Variants in LRMDA observed in about 807,000 individuals in gnomAD.
LRMDA encodes leucine rich melanocyte differentiation associated.
Under a neutral mutation model 29.8 loss-of-function variants are expected in LRMDA, and 18 were observed. That is an observed-to-expected ratio of 0.60 (90% confidence interval 0.42 to 0.90). The LOEUF (loss-of-function observed/expected upper bound fraction) is 0.90. Among genes scored for constraint, LRMDA ranks in the 40% least tolerant of loss-of-function variants. The pLI, the probability that LRMDA is intolerant of heterozygous loss-of-function variation, is 0.00. For missense variants in LRMDA, 273 were observed against 273.9 expected, an observed-to-expected ratio of 1.00 and a Z score of 0.02; for synonymous variants, 125 against 109.4, an observed-to-expected ratio of 1.14 and a Z score of -0.89.
chr10:75,652,870 GA>G (rs2132128007), intron 2 of LRMDA, among the ~76,000 whole-genome samples: 1 of 152,126 alleles, frequency 6.6e-6, no homozygotes, highest in Non-Finnish European at 1.5e-5. Flanking sequence ...CAAGCACTTG[GA>G]AAAAAAATTT....
chr10:75,456,696 A>C (rs188991681), intron 2 of LRMDA, among the ~76,000 whole-genome samples: 1 of 152,110 alleles, frequency 6.6e-6, no homozygotes, highest in African/African-American at 2.4e-5. Flanking sequence ...TTGTTTTTTG[A>C]AAAAGAGCTT....
chr10:76,041,985 G>C (rs1848348837), intron 3 of LRMDA, among the ~76,000 whole-genome samples: 1 of 152,136 alleles, frequency 6.6e-6, no homozygotes, highest in African/African-American at 2.4e-5. Flanking sequence ...AGGGACACCA[G>C]GTTTCTTCCA....
At chr10:75,515,807 C>G (rs554877151) in intron 2 of LRMDA, among the ~76,000 whole-genome samples, 7 of 152,068 alleles carry the variant, frequency 4.6e-5, no homozygotes, top group Admixed American at 1.3e-4. Context: ...AATCTATCAC[C>G]TTGTCATTTA....
intron 1 of LRMDA, among the ~76,000 whole-genome samples, chr10:75,435,079 C>T (rs1474569912): frequency 6.6e-6 from 1 of 152,172 alleles, no homozygotes; most frequent in Non-Finnish European, 1.5e-5. Flanking sequence ...TTATTCCACA[C>T]AGGGTGGAGG....
At chr10:75,633,756 A>G (rs1487406804) in intron 2 of LRMDA, among the ~76,000 whole-genome samples, 1 of 152,108 alleles carries the variant, frequency 6.6e-6, no homozygotes, top group Non-Finnish European at 1.5e-5. Context: ...GTGTAGACTG[A>G]GTTGATGATG....
intron 6 of LRMDA, among the ~76,000 whole-genome samples, chr10:76,432,724 C>G (rs948337217): frequency 1.3e-5 from 2 of 152,328 alleles, no homozygotes; most frequent in African/African-American, 4.8e-5. Context: ...GCAGAATAGG[C>G]TTATCACTGG....
At chr10:75,959,914 G>A (rs1846733428) in intron 2 of LRMDA, among the ~76,000 whole-genome samples, 1 of 152,198 alleles carries the variant, frequency 6.6e-6, no homozygotes, top group South Asian at 2.1e-4. Context: ...AGCTGTGGCA[G>A]AAATTCTCCT....
rs1589196021 is a variant in LRMDA at position 75,591,986 on chromosome 10, A to G, written c.131+153492A>G. On this transcript the variant is annotated intron_variant, in intron 2 of 6. Coordinates refer to ENST00000611255, the MANE Select transcript of LRMDA (RefSeq NM_001305581.2). Reference sequence around the variant, plus strand: ...GGAGATGGTGGGGGTGGTATGGAGGAGCAGGGGGCATGTTTAGGTGTGTGG... The same window carrying G: ...GGAGATGGTGGGGGTGGTATGGAGGGGCAGGGGGCATGTTTAGGTGTGTGG... 3.3e-5 allele frequency among the ~76,000 whole-genome samples: 5 copies of G among 151,808 alleles called. No individual in the cohort carries two copies. The South Asian group carries it at 8.3e-4, about 25-fold the overall frequency.
chr10:75,570,818 T>TA (rs1840429210), intron 2 of LRMDA, among the ~76,000 whole-genome samples: 1 of 152,342 alleles, frequency 6.6e-6, no homozygotes, highest in Admixed American at 6.5e-5. Flanking sequence ...GGAATCATAT[T>TA]AAATACTCTG....
intron 2 of LRMDA, among the ~76,000 whole-genome samples, chr10:75,578,364 A>G (rs1163816704): frequency 6.6e-6 from 1 of 152,044 alleles, no homozygotes; most frequent in Non-Finnish European, 1.5e-5. Context: ...TATCCTAAAT[A>G]TATATGTACC....
At chr10:75,621,002 C>T (rs887793073) in intron 2 of LRMDA, among the ~76,000 whole-genome samples, 4 of 152,226 alleles carry the variant, frequency 2.6e-5, no homozygotes, top group South Asian at 4.1e-4. Context: ...CACCATTTCC[C>T]CCGTGTCCCC....
At chr10:75,501,116 G>A (rs1845108184) in intron 2 of LRMDA, among the ~76,000 whole-genome samples, 1 of 152,050 alleles carries the variant, frequency 6.6e-6, no homozygotes, top group African/African-American at 2.4e-5. Flanking sequence ...GTGCCTTCTG[G>A]GATACTTCAG....
intron 6 of LRMDA, among the ~76,000 whole-genome samples, chr10:76,343,813 A>ATTTTTTTTTTTTTT (rs5786231): frequency 7.9e-6 from 1 of 126,662 alleles, no homozygotes. Context: ...TTTACAGGTG[A>ATTTTTTTTTTTTTT]TTTTTTTTTT....
At chr10:76,260,121 T>C (rs973167868) in intron 5 of LRMDA, among the ~76,000 whole-genome samples, 5 of 152,188 alleles carry the variant, frequency 3.3e-5, no homozygotes, top group South Asian at 2.1e-4. Flanking sequence ...TGTCATTTTA[T>C]TCGTTGTTTC....
At chr10:76,057,670 G>A (rs1848638759) in intron 4 of LRMDA, among the ~76,000 whole-genome samples, 1 of 152,132 alleles carries the variant, frequency 6.6e-6, no homozygotes, top group African/African-American at 2.4e-5. Flanking sequence ...GAGGAGGCTG[G>A]GTATAGGAAG....
chr10:76,529,932 T>G (rs1348452811), intron 6 of LRMDA, among the ~76,000 whole-genome samples: 1 of 152,172 alleles, frequency 6.6e-6, no homozygotes, highest in Admixed American at 6.5e-5. Context: ...GGTTGGATTT[T>G]CATTATTTTC....
chr10:76,106,108 T>G (rs139448698), intron 5 of LRMDA, among the ~76,000 whole-genome samples: 2 of 152,326 alleles, frequency 1.3e-5, no homozygotes, highest in Non-Finnish European at 2.9e-5. Flanking sequence ...CCCAGGAAAC[T>G]ATTAGTATAG....
chr10:75,970,510 C>T (rs1846948012), intron 2 of LRMDA, among the ~76,000 whole-genome samples: 1 of 152,216 alleles, frequency 6.6e-6, no homozygotes, highest in Non-Finnish European at 1.5e-5. Context: ...ATTTTCTCTC[C>T]CATCTAGTTG....
chr10:76,128,755 AC>A (rs1466958070), intron 5 of LRMDA, among the ~76,000 whole-genome samples: 3 of 152,114 alleles, frequency 2.0e-5, no homozygotes, highest in Non-Finnish European at 1.5e-5. Flanking sequence ...AAGGCGAGGG[AC>A]CTTTTTGGTT....
Sources: allele counts gnomAD v4.1 joint callset (sites outside exome capture counted in the v4.1 genomes callset), GRCh38; gene constraint gnomAD v4.1.1; transcripts MANE v1.5; gene names NCBI Gene and HGNC (gene_info 2026-07-23, HGNC 2026-07-21).